RCBTB1: variants seen among roughly 807,000 people sequenced by gnomAD.
RCBTB1 encodes RCC1 and BTB domain containing protein 1.
RCBTB1 carries 46 observed loss-of-function variants against 62.4 expected under a neutral mutation model. The ratio of observed to expected loss-of-function variants is 0.74; its 90% CI spans 0.58 to 0.94. RCBTB1 has a LOEUF of 0.94. Ranked by LOEUF, RCBTB1 falls within the 40% of genes least tolerant of loss-of-function variation. The pLI is 0.00. For synonymous variants in RCBTB1, 222 were observed against 245.8 expected (o/e 0.90, Z 0.91); for missense variants, 565 against 654.9 (o/e 0.86, Z 1.50).
intron 2 of RCBTB1, among the ~76,000 whole-genome samples, chr13:49,573,351 C>T (rs903623757): frequency 4.6e-5 from 7 of 151,628 alleles, no homozygotes; most frequent in African/African-American, 1.2e-4. Flanking sequence ...TTAGTTTGTT[C>T]GTTTGTTTGT....
intron 9 of RCBTB1, among the ~76,000 whole-genome samples, chr13:49,547,387 G>A (rs1418247401): frequency 6.6e-6 from 1 of 152,060 alleles, no homozygotes; most frequent in Non-Finnish European, 1.5e-5. Flanking sequence ...ATCAATTGCT[G>A]AACAACCCAA....
At chr13:49,552,368 A>C in intron 6 of RCBTB1, 83 bp from the exon 7 acceptor site, 1 of 779,624 alleles carries the variant, frequency 1.3e-6, no homozygotes, top group Non-Finnish European at 2.1e-6. Flanking sequence ...CCATCTAAAC[A>C]AATCAGATAC....
intron 2 of RCBTB1, among the ~76,000 whole-genome samples, chr13:49,575,609 G>A (rs1300841497): frequency 1.3e-5 from 2 of 152,066 alleles, no homozygotes; most frequent in African/African-American, 2.4e-5. Flanking sequence ...GCAGCTACAG[G>A]CCATTATCCT....
At chr13:49,544,945 A>G in intron 9 of RCBTB1, 82 bp from the exon 10 acceptor site, 1 of 1,142,404 alleles carries the variant, frequency 8.8e-7, no homozygotes, top group Non-Finnish European at 1.3e-6. Context: ...GATCATCATG[A>G]CCGTGATGGA....
At chr13:49,582,790 T>G (rs759821948) in intron 1 of RCBTB1, among the ~76,000 whole-genome samples, 38 of 149,874 alleles carry the variant, frequency 2.5e-4, no homozygotes, top group Non-Finnish European at 5.2e-4. Context: ...TGATTGGCAT[T>G]TGGAGACCAT....
intron 2 of RCBTB1, among the ~76,000 whole-genome samples, chr13:49,572,909 G>A (rs1963503585): frequency 6.6e-6 from 1 of 152,170 alleles, no homozygotes; most frequent in African/African-American, 2.4e-5. Context: ...TATGAAGGAG[G>A]CACTGCTAAT....
At chr13:49,562,665 T>G (rs1254920451) in intron 4 of RCBTB1, among the ~76,000 whole-genome samples, 1 of 151,370 alleles carries the variant, frequency 6.6e-6, no homozygotes, top group East Asian at 1.9e-4. Flanking sequence ...AAGGCTGGAG[T>G]GCAGTGGCGC....
Position 49,567,352 on chromosome 13 carries a change from TTAAA to T in RCBTB1, c.-41-36_-41-33del, listed in dbSNP as rs532497288. On this transcript the variant is annotated intron_variant, in intron 2 of 12. Coordinates refer to ENST00000378302, the MANE Select transcript of RCBTB1 (RefSeq NM_018191.4). Reference sequence around the variant, plus strand: ...GAACAGAAAGGATTCCAGAAAAAAATTAAATAGTCACTGAGCTAACTTTCAAAAA... The same window carrying T: ...GAACAGAAAGGATTCCAGAAAAAAATTAGTCACTGAGCTAACTTTCAAAAA... The T allele has an allele frequency of 8.2e-4, 1,246 of 1,527,038 alleles. 26 individuals carry two copies. In the South Asian group the frequency reaches 0.014, roughly 17 times the overall value. 94.6% of individuals were successfully genotyped at this position (1,527,038 alleles called of 1,614,324 possible). A position where few individuals can be genotyped will look rare whatever the true frequency, so the allele number is the denominator to read the frequency against.
At chr13:49,565,681 G>C (rs1962921633) in intron 4 of RCBTB1, among the ~76,000 whole-genome samples, 1 of 150,320 alleles carries the variant, frequency 6.7e-6, no homozygotes, top group Non-Finnish European at 1.5e-5. Context: ...CGTCTGAGAA[G>C]TGAGGAGCCC....
intron 4 of RCBTB1, among the ~76,000 whole-genome samples, chr13:49,564,899 AAAGAAAGAAAGAAAAGAAAAAC>A (rs1306798745): frequency 6.6e-6 from 1 of 152,040 alleles, no homozygotes; most frequent in Non-Finnish European, 1.5e-5. Context: ...TCAAAAAAAA[AAAGAAAGAAAGAAAAGAAAAAC>A]GTACCAAAGG....
chr13:49,547,074 T>C (rs755424993), intron 9 of RCBTB1: 11 of 1,270,050 alleles, frequency 8.7e-6, no homozygotes, highest in Non-Finnish European at 1.0e-5. Flanking sequence ...AATCTGAAGA[T>C]GTGTACAGAA....
chr13:49,585,181 G>C (rs1415151032), intron 1 of RCBTB1, among the ~76,000 whole-genome samples: 1 of 152,200 alleles, frequency 6.6e-6, no homozygotes, highest in African/African-American at 2.4e-5. Context: ...GGGAGGCAGG[G>C]AAAACTTTCC....
Position 49,560,003 on chromosome 13 carries a change from T to G in RCBTB1, c.359A>C (p.Gln120Pro). ...GTTNQGIAPV[Q>P]VCTNLLIKQV... ...CTTGATCAAGAGATTGGTACAGACC[T>G]GGACGGGAGCAATGCCTTGGTTGGT... The change falls in exon 5 of 13, where the codon CAG (glutamine) becomes CCG (proline). Residue 120 changes from glutamine to proline, a missense_variant. Coordinates refer to ENST00000378302, the MANE Select transcript of RCBTB1 (RefSeq NM_018191.4). 3.1e-6 allele frequency: 5 copies of G among 1,614,216 alleles called. No homozygotes were observed. Among genetic ancestry groups the G allele is most frequent in the Non-Finnish European group, 4.2e-6 (5 of 1,180,030 alleles).
chr13:49,571,487 CAT>C (rs1044034612), intron 2 of RCBTB1, among the ~76,000 whole-genome samples: 7 of 152,256 alleles, frequency 4.6e-5, no homozygotes, highest in Admixed American at 4.6e-4. Context: ...CTAGAGAACA[CAT>C]GTGACCTCTG....
chr13:49,541,953 T>C (rs1960398295), intron 10 of RCBTB1, 126 bp from the exon 11 acceptor site: 6 of 1,069,030 alleles, frequency 5.6e-6, no homozygotes, highest in Non-Finnish European at 6.5e-6. Context: ...TGGTGGCTCA[T>C]GCCTGTAATC....
intron 2 of RCBTB1, among the ~76,000 whole-genome samples, chr13:49,571,644 A>C (rs4942849): frequency 0.22 from 33,871 of 151,908 alleles, 4,625 homozygotes; most frequent in East Asian, 0.55. Flanking sequence ...AGGTTCCCTG[A>C]GAGGTTTTGT....
chr13:49,569,924 TAAAC>T (rs983704605), intron 2 of RCBTB1, among the ~76,000 whole-genome samples: 2 of 151,720 alleles, frequency 1.3e-5, no homozygotes, highest in Non-Finnish European at 2.9e-5. Flanking sequence ...ATTAATAAAA[TAAAC>T]AAAAAGGAAC....
intron 1 of RCBTB1, among the ~76,000 whole-genome samples, 156 bp downstream of exon 1, chr13:49,585,288 G>T (rs922733782): frequency 2.2e-4 from 34 of 152,070 alleles, no homozygotes; most frequent in African/African-American, 7.7e-4. Flanking sequence ...CGCCCCGGAC[G>T]CAGCGCCCGC....
intron 10 of RCBTB1, 27 bp from the exon 11 acceptor site, chr13:49,541,854 T>C (rs1431407497): frequency 6.3e-7 from 1 of 1,575,792 alleles, no homozygotes. Flanking sequence ...AAAGTCTTAT[T>C]TGTTCAGCAG....
Sources: gnomAD v4.1 joint callset for allele counts (sites outside exome capture counted in the v4.1 genomes callset) on GRCh38, gnomAD v4.1.1 for gene constraint, MANE v1.5 for transcripts, NCBI Gene and HGNC (gene_info 2026-07-23, HGNC 2026-07-21) for gene names.